The following EREG variants were observed in gnomAD, a reference collection of about 807,000 sequenced individuals.
The protein encoded by EREG is proepiregulin.
Under a neutral mutation model 22.4 loss-of-function variants are expected in EREG, and 23 were observed. That is an observed-to-expected ratio of 1.03 (90% CI 0.74 to 1.46). The LOEUF (loss-of-function observed/expected upper bound fraction) is 1.46. Among genes scored for constraint, EREG ranks in the 40% most tolerant of loss-of-function variants. EREG has a pLI of 0.00. For missense variants in EREG, 226 were observed against 205.9 expected (o/e 1.10, Z -0.60); for synonymous variants, 100 against 75.4 (o/e 1.33, Z -1.69).
intron 1 of EREG, among the ~76,000 whole-genome samples, chr4:74,372,651 T>C (rs1350358247): frequency 6.6e-6 from 1 of 152,162 alleles, no homozygotes. Flanking sequence ...GCTCTTCTTA[T>C]GTAAGATTGT....
At position 74,387,625 on chromosome 4, in the gene EREG, A is replaced by C. The variant is rs2110391843; in HGVS notation, c.*2817A>C. The C allele has an allele frequency of 6.6e-6, 1 of 152,332 alleles. No individual in the cohort carries two copies. The highest frequency in any genetic ancestry group is 2.4e-5 in the African/African-American group (1 of 41,574). 9.4% of individuals were successfully genotyped at this position (152,332 alleles called of 1,614,324 possible). On this transcript the variant is annotated 3_prime_UTR_variant, in exon 5 of 5. Transcript: ENST00000244869. ...GTGAGGATGGTGCTGAGTAAACATA[A>C]AAACTGATTTGCTCTCAGCTGATGT... is the stretch of plus-strand genomic sequence containing the variant.
At chr4:74,383,737 CATA>C (rs541500982) in intron 4 of EREG, among the ~76,000 whole-genome samples, 1 of 152,128 alleles carries the variant, frequency 6.6e-6, no homozygotes. Context: ...GTGCTACTTT[CATA>C]ATATTAAATT....
chr4:74,381,087 T>C lies in EREG; in HGVS notation c.228T>C (p.Cys76=). ...TKCSSDMNGY[C]LHGQCIYLVD... ...GTAGCTCTGACATGAATGGCTATTG[T>C]TTGCATGGACAGTGCATCTATCTGG... The change falls in exon 3 of 5, where the codon TGT becomes TGC. Residue 76 remains cysteine, a synonymous_variant. Coordinates refer to ENST00000244869, the MANE Select transcript of EREG (RefSeq NM_001432.3). 7 of 1,613,852 alleles carry C rather than the reference T, an allele frequency of 4.3e-6. No homozygotes were observed. Among genetic ancestry groups the C allele is most frequent in the Non-Finnish European group, 5.1e-6 (6 of 1,179,794 alleles).
intron 1 of EREG, among the ~76,000 whole-genome samples, chr4:74,377,287 C>T (rs1752398643): frequency 2.0e-5 from 3 of 152,000 alleles, no homozygotes; most frequent in Admixed American, 2.0e-4. Flanking sequence ...GTTTTCCTCA[C>T]AAGACTGCCT....
chr4:74,365,575 C>A (rs970404829), intron 1 of EREG, among the ~76,000 whole-genome samples, 200 bp downstream of exon 1: 5 of 150,232 alleles, frequency 3.3e-5, no homozygotes, highest in African/African-American at 1.2e-4. Flanking sequence ...TGTTAAAATG[C>A]TTTTTATTGG....
intron 2 of EREG, 39 bp from the exon 3 acceptor site, chr4:74,380,975 A>T: frequency 6.3e-7 from 1 of 1,596,554 alleles, no homozygotes; most frequent in Non-Finnish European, 8.5e-7. Flanking sequence ...TCTTCCATGA[A>T]GGCTGCAGAA....
At chr4:74,375,393 C>A (rs1752363670) in intron 1 of EREG, among the ~76,000 whole-genome samples, 1 of 146,618 alleles carries the variant, frequency 6.8e-6, no homozygotes, top group Admixed American at 6.8e-5. Flanking sequence ...ATCTCCGCTC[C>A]CTGCAAGCTC....
At position 74,385,069 on chromosome 4, in the gene EREG, T is replaced by G; in HGVS notation, c.*261T>G. ...CTGAGCTAAATGCTTCATTGAAAGCTTCAAAGTTTATATGCCTGGTGCACA... is the reference window on the plus strand; with the variant it reads ...CTGAGCTAAATGCTTCATTGAAAGCGTCAAAGTTTATATGCCTGGTGCACA... On this transcript the variant is annotated 3_prime_UTR_variant, in exon 5 of 5. Transcript: ENST00000244869. The G allele has an allele frequency of 3.0e-6, 1 of 336,236 alleles. No individual in the cohort carries two copies. The highest frequency in any genetic ancestry group is 5.7e-5 in the South Asian group (1 of 17,632). The allele number at this position is 336,236 out of a possible 1,614,324, so 20.8% of individuals were successfully genotyped here. A position where few individuals can be genotyped will look rare whatever the true frequency, so the allele number is the denominator to read the frequency against.
chr4:74,379,633 G>A (rs2110388073), intron 2 of EREG, 99 bp downstream of exon 2: 1 of 692,266 alleles, frequency 1.4e-6, no homozygotes, highest in Non-Finnish European at 2.5e-6. Flanking sequence ...TTTTAAAAAA[G>A]GGTAAGAATA....
intron 4 of EREG, among the ~76,000 whole-genome samples, chr4:74,384,451 C>A (rs950967329): frequency 1.3e-5 from 2 of 152,114 alleles, no homozygotes; most frequent in South Asian, 4.1e-4. Context: ...TGTGGCCACA[C>A]GCCTCTTGGA....
In EREG at chr4:74,388,010, A is replaced by G. The variant is rs1302438838; in HGVS notation, c.*3202A>G. The G allele has an allele frequency of 6.6e-6, 1 of 152,220 alleles. No homozygotes were observed. The highest frequency in any genetic ancestry group is 1.5e-5 in the Non-Finnish European group (1 of 68,036). 9.4% of individuals were successfully genotyped at this position (152,220 alleles called of 1,614,324 possible). ...TGCTCTAATCTCTCTGCCGAAAGTC[A>G]AAGTGATGGGAGAATTGGTATACTG... On this transcript the variant is annotated 3_prime_UTR_variant, in exon 5 of 5. Coordinates refer to ENST00000244869, the MANE Select transcript of EREG (RefSeq NM_001432.3).
intron 1 of EREG, 96 bp downstream of exon 1, chr4:74,365,471 C>A (rs1752161244): frequency 9.6e-7 from 1 of 1,042,042 alleles, no homozygotes. Flanking sequence ...GGAGTTGTCT[C>A]CAGGTTCAAG....
intron 1 of EREG, among the ~76,000 whole-genome samples, chr4:74,367,186 T>C (rs1752200729): frequency 6.6e-6 from 1 of 152,222 alleles, no homozygotes; most frequent in Non-Finnish European, 1.5e-5. Flanking sequence ...CACATACAGA[T>C]TTAAATTGCT....
intron 4 of EREG, among the ~76,000 whole-genome samples, chr4:74,383,287 A>C (rs1752510724): frequency 6.6e-6 from 1 of 152,212 alleles, no homozygotes; most frequent in Non-Finnish European, 1.5e-5. Flanking sequence ...TGCTACTGTT[A>C]TAGTTAACCA....
intron 1 of EREG, among the ~76,000 whole-genome samples, chr4:74,371,022 G>A (rs1369709727): frequency 2.6e-5 from 4 of 151,984 alleles, no homozygotes; most frequent in Non-Finnish European, 5.9e-5. Flanking sequence ...AGCAACCCTG[G>A]TCTCTACCCA....
chr4:74,377,603 A>G (rs1464081971), intron 1 of EREG, among the ~76,000 whole-genome samples: 1 of 152,216 alleles, frequency 6.6e-6, no homozygotes, highest in Non-Finnish European at 1.5e-5. Context: ...TCACACTATT[A>G]TAAAGGACTT....
At chr4:74,365,526 C>T (rs1477408019) in intron 1 of EREG, 151 bp downstream of exon 1, 6 of 165,338 alleles carry the variant, frequency 3.6e-5, no homozygotes, top group Admixed American at 2.1e-4. Context: ...GTCTGTCTTC[C>T]CCTATGGTGG....
chr4:74,379,544 A>G lies in EREG; in HGVS notation c.154+10A>G, dbSNP rs775168602. The G allele has an allele frequency of 6.5e-7, 1 of 1,534,526 alleles. No homozygotes were observed. Among genetic ancestry groups the G allele is most frequent in the Non-Finnish European group, 9.0e-7 (1 of 1,107,928 alleles). ...AACTGCACAGCTTTAGGTAAGCCCAAGTTTGTCAATGTGGCATCAAGAGAC... is the reference window on the plus strand; with the variant it reads ...AACTGCACAGCTTTAGGTAAGCCCAGGTTTGTCAATGTGGCATCAAGAGAC... On this transcript the variant is annotated intron_variant, in intron 2 of 4. Transcript: ENST00000244869.
rs543400773 is a variant in EREG at position 74,365,290 on chromosome 4, G to T, written c.-19G>T. The stretch of plus-strand genomic sequence containing the variant: ...CGCAGCCGCCCTCCGCCAAGCCCCA[G>T]CGCCCGCTCCCATCGCCGATGACCG... On this transcript the variant is annotated 5_prime_UTR_variant, in exon 1 of 5. Coordinates refer to ENST00000244869, the MANE Select transcript of EREG (RefSeq NM_001432.3). 3.1e-6 allele frequency: 5 copies of T among 1,598,654 alleles called. No individual in the cohort carries two copies. In the East Asian group the frequency reaches 1.1e-4, roughly 36 times the overall value.
Sources: allele counts gnomAD v4.1 joint callset (sites outside exome capture counted in the v4.1 genomes callset), GRCh38; gene constraint gnomAD v4.1.1; transcripts MANE v1.5; gene names NCBI Gene and HGNC (gene_info 2026-07-23, HGNC 2026-07-21).